Variants in MTDH observed in about 807,000 individuals in gnomAD.
MTDH encodes protein LYRIC.
A neutral mutation model predicts 72.7 loss-of-function variants in MTDH; 34 were observed. The observed-to-expected ratio is 0.47, with a 90% CI of 0.36 to 0.62. The LOEUF (loss-of-function observed/expected upper bound fraction) is 0.62. MTDH is among the 20% of genes least tolerant of loss of function. The probability of loss-of-function intolerance (pLI) is 0.00; values close to 1 mark genes in which losing one functional copy is unlikely to be tolerated. For missense variants in MTDH, 677 were observed against 699.4 expected (o/e 0.97, Z 0.36); for synonymous variants, 266 against 268.9 (o/e 0.99, Z 0.10).
At chr8:97,714,582 G>C (rs1295381079) in intron 9 of MTDH, among the ~76,000 whole-genome samples, 4 of 150,768 alleles carry the variant, frequency 2.7e-5, no homozygotes, top group African/African-American at 9.8e-5. Context: ...TCCAGCCTGG[G>C]TCACAGAGTA....
Position 97,698,530 on chromosome 8 carries a change from GA to G in MTDH, c.1049-1218del, listed in dbSNP as rs1455306153. ...CACCCGACCTACTACCCTCACCTGAGAAAAAACAAAAACAGACAAAACTTAT... is the reference window on the plus strand; with the variant it reads ...CACCCGACCTACTACCCTCACCTGAGAAAAACAAAAACAGACAAAACTTAT... On this transcript the variant is annotated intron_variant, in intron 6 of 11. Coordinates refer to ENST00000336273, the MANE Select transcript of MTDH (RefSeq NM_178812.4). Among the ~76,000 whole-genome samples, 3 of 152,008 alleles carry G rather than the reference GA, an allele frequency of 2.0e-5. No homozygotes were observed. The East Asian group carries it at 5.8e-4, about 29-fold the overall frequency.
intron 10 of MTDH, among the ~76,000 whole-genome samples, chr8:97,720,646 CT>C (rs34801268): frequency 1.1e-3 from 142 of 126,514 alleles, no homozygotes; most frequent in Middle Eastern, 4.1e-3. Flanking sequence ...GTCTATTTGA[CT>C]TTTTTTTTTT....
rs191378013 is a variant in MTDH, at chr8:97,712,798, T to C, written c.1273-864T>C. Among the ~76,000 whole-genome samples, 31 of 152,316 alleles carry C rather than the reference T, an allele frequency of 2.0e-4. 1 individual carries two copies. The highest frequency in any genetic ancestry group is 7.8e-4 in the Admixed American group (12 of 15,298). ...GCAAATGGAGTTGAGCTTTTTCCCA[T>C]GGTTTCTTTGGCATCTGTGCATGTT... On this transcript the variant is annotated intron_variant, in intron 8 of 11. Coordinates refer to ENST00000336273, the MANE Select transcript of MTDH (RefSeq NM_178812.4).
intron 6 of MTDH, among the ~76,000 whole-genome samples, chr8:97,694,200 C>CTT (rs1265111285): frequency 6.3e-5 from 9 of 142,942 alleles, no homozygotes; most frequent in African/African-American, 1.5e-4. Flanking sequence ...TTTTCTGGAA[C>CTT]TTTTTTTTTT....
chr8:97,652,254 C>G (rs1811801948), intron 1 of MTDH, among the ~76,000 whole-genome samples: 1 of 152,184 alleles, frequency 6.6e-6, no homozygotes. Context: ...TCATTCTAAG[C>G]TGAATTTGTG....
Position 97,644,401 on chromosome 8 carries a change from C to A in MTDH, c.-106C>A. 7.1e-7 allele frequency: 1 copy of A among 1,409,664 alleles called. No individual in the cohort carries two copies. The highest frequency in any genetic ancestry group is 9.3e-7 in the Non-Finnish European group (1 of 1,077,802). The allele number at this position is 1,409,664 out of a possible 1,614,324, so 87.3% of individuals were successfully genotyped here. ...CGGCGCGAGGGACGGCCGCGATGCG[C>A]TCGGCCTGAGGTTACCCGGCCCGGC... is the stretch of plus-strand genomic sequence containing the variant. On this transcript the variant is annotated 5_prime_UTR_variant, in exon 1 of 12. Transcript: ENST00000336273.
At chr8:97,673,222 A>G (rs1314406319) in intron 2 of MTDH, among the ~76,000 whole-genome samples, 2 of 152,204 alleles carry the variant, frequency 1.3e-5, no homozygotes, top group Non-Finnish European at 2.9e-5. Flanking sequence ...GGTAAGTGCT[A>G]TGAAAGAAAA....
At chr8:97,711,072 C>T (rs1563564724) in intron 8 of MTDH, among the ~76,000 whole-genome samples, 1 of 152,120 alleles carries the variant, frequency 6.6e-6, no homozygotes, top group African/African-American at 2.4e-5. Context: ...TGAATACTAA[C>T]ATAACAGTGC....
intron 10 of MTDH, 32 bp downstream of exon 10, chr8:97,719,221 G>T (rs373850472): frequency 1.2e-5 from 20 of 1,605,474 alleles, no homozygotes; most frequent in Non-Finnish European, 1.4e-5. Context: ...GTTGCCGGGC[G>T]CAGTGGCTTA....
At chr8:97,657,246 A>G (rs1812016835) in intron 1 of MTDH, among the ~76,000 whole-genome samples, 1 of 152,230 alleles carries the variant, frequency 6.6e-6, no homozygotes, top group Non-Finnish European at 1.5e-5. Flanking sequence ...ATCCATCAAA[A>G]TAAAATGATT....
chr8:97,669,889 C>A (rs1181305667), intron 2 of MTDH, among the ~76,000 whole-genome samples: 1 of 149,246 alleles, frequency 6.7e-6, no homozygotes, highest in African/African-American at 2.5e-5. Context: ...CACCACTGCA[C>A]TCCAGCCTGA....
rs1815349049 is a variant in MTDH, at chr8:97,726,317, G to A, written c.*1647G>A. 1.3e-5 allele frequency: 2 copies of A among 152,634 alleles called. No individual in the cohort carries two copies. Among genetic ancestry groups the A allele is most frequent in the Admixed American group, 1.3e-4 (2 of 15,278 alleles). 9.5% of individuals were successfully genotyped at this position (152,634 alleles called of 1,614,324 possible). A position where few individuals can be genotyped will look rare whatever the true frequency, so the allele number is the denominator to read the frequency against. On this transcript the variant is annotated 3_prime_UTR_variant, in exon 12 of 12. Transcript: ENST00000336273. ...TTTAAATAAATTCAGCAAATGGATAGCATTGTTTTTTATTTGCTTCAATAT... is the reference window on the plus strand; with the variant it reads ...TTTAAATAAATTCAGCAAATGGATAACATTGTTTTTTATTTGCTTCAATAT...
chr8:97,711,303 AG>A (rs1044340802), intron 8 of MTDH, among the ~76,000 whole-genome samples: 1 of 151,350 alleles, frequency 6.6e-6, no homozygotes, highest in Non-Finnish European at 1.5e-5. Flanking sequence ...GTTTGAGACT[AG>A]TCTGTACAAC....
chr8:97,649,488 G>A (rs186527957), intron 1 of MTDH, among the ~76,000 whole-genome samples: 1 of 152,234 alleles, frequency 6.6e-6, no homozygotes, highest in East Asian at 1.9e-4. Context: ...CATGGCACTC[G>A]AGTCTCTTCA....
rs767313701 is a variant in MTDH, at chr8:97,687,650, C to G, written c.745+45C>G. The G allele has an allele frequency of 7.6e-6, 11 of 1,439,312 alleles. No individual in the cohort carries two copies. The South Asian group carries it at 1.5e-4, about 20-fold the overall frequency. The allele number at this position is 1,439,312 out of a possible 1,614,324, so 89.2% of individuals were successfully genotyped here. Reference sequence around the variant, plus strand: ...GACAGTGGTACATCAAATCAAACTCCTTTTATTCGGATGTACAAAATATCA... The same window carrying G: ...GACAGTGGTACATCAAATCAAACTCGTTTTATTCGGATGTACAAAATATCA... On this transcript the variant is annotated intron_variant, in intron 4 of 11. Coordinates refer to ENST00000336273, the MANE Select transcript of MTDH (RefSeq NM_178812.4).
intron 2 of MTDH, among the ~76,000 whole-genome samples, chr8:97,662,530 A>G (rs1812213467): frequency 6.6e-6 from 1 of 151,246 alleles, no homozygotes; most frequent in South Asian, 2.1e-4. Flanking sequence ...TCACGCCTGT[A>G]ATCCCAGCAC....
intron 1 of MTDH, among the ~76,000 whole-genome samples, chr8:97,660,086 G>A (rs138434756): frequency 2.4e-3 from 358 of 151,398 alleles, no homozygotes; most frequent in African/African-American, 8.4e-3. Flanking sequence ...TTGAACCTGG[G>A]AGGCAGAGGT....
chr8:97,678,331 G>T (rs2513372), intron 2 of MTDH, among the ~76,000 whole-genome samples: 2 of 152,154 alleles, frequency 1.3e-5, no homozygotes, highest in African/African-American at 2.4e-5. Context: ...CACCATGTGT[G>T]AAATTTATTT....
chr8:97,726,342 TG>T lies in MTDH; in HGVS notation c.*1677del, dbSNP rs753638301. On this transcript the variant is annotated 3_prime_UTR_variant, in exon 12 of 12. Transcript: ENST00000336273. ...GCATTGTTTTTTATTTGCTTCAATA[TG>T]GGGGTAGATAATAGCTAAAGAGCCA... 6.6e-6 allele frequency: 1 copy of T among 152,652 alleles called. No homozygotes were observed. The highest frequency in any genetic ancestry group is 1.5e-5 in the Non-Finnish European group (1 of 68,034). The allele number at this position is 152,652 out of a possible 1,614,324, so 9.5% of individuals were successfully genotyped here.
Sources: gnomAD v4.1 joint callset for allele counts (sites outside exome capture counted in the v4.1 genomes callset) on GRCh38, gnomAD v4.1.1 for gene constraint, MANE v1.5 for transcripts, NCBI Gene and HGNC (gene_info 2026-07-23, HGNC 2026-07-21) for gene names.